CNTN5: variants seen among roughly 807,000 people sequenced by gnomAD.
CNTN5 encodes the protein contactin-5.
A neutral mutation model predicts 129.1 loss-of-function variants in CNTN5; 77 were observed. That is an observed-to-expected ratio of 0.60 (90% CI 0.50 to 0.72). The LOEUF is 0.72. CNTN5 is among the 30% of genes least tolerant of loss of function. CNTN5 has a pLI of 0.00. For synonymous variants in CNTN5, 509 were observed against 465.6 expected, an observed-to-expected ratio of 1.09 and a Z score of -1.20; for missense variants, 1,478 against 1,328.8, an observed-to-expected ratio of 1.11 and a Z score of -1.75.
chr11:99,022,345 A>C (rs1862911304), intron 1 of CNTN5, among the ~76,000 whole-genome samples: 1 of 152,160 alleles, frequency 6.6e-6, no homozygotes, highest in Non-Finnish European at 1.5e-5. Flanking sequence ...GAATTACAGA[A>C]GTACTTATGA....
chr11:99,612,943 A>G (rs1315839547), intron 3 of CNTN5, among the ~76,000 whole-genome samples: 1 of 152,176 alleles, frequency 6.6e-6, no homozygotes, highest in African/African-American at 2.4e-5. Flanking sequence ...CCCAGAAACA[A>G]GAACTGAGGT....
At chr11:99,727,073 G>A (rs906567466) in intron 3 of CNTN5, among the ~76,000 whole-genome samples, 5 of 151,154 alleles carry the variant, frequency 3.3e-5, no homozygotes, top group Admixed American at 6.6e-5. Context: ...TTGGGAGGCC[G>A]AGGCTGGTGG....
rs73561687 is a variant in CNTN5, at chr11:100,241,993, C to G, written c.2006-13767C>G. The stretch of plus-strand genomic sequence containing the variant: ...AGCTTTCATCAAATGTTTGCCTTAT[C>G]GTTTCAATGGCTTCTTTCTTTGGAC... On this transcript the variant is annotated intron_variant, in intron 16 of 24. Transcript: ENST00000524871. Among the ~76,000 whole-genome samples the G allele has an allele frequency of 4.6e-5, 7 of 152,294 alleles. No homozygotes were observed. In the East Asian group the frequency reaches 1.2e-3, roughly 25 times the overall value.
intron 1 of CNTN5, among the ~76,000 whole-genome samples, chr11:99,296,530 T>C: frequency 6.6e-6 from 1 of 152,230 alleles, no homozygotes; most frequent in East Asian, 1.9e-4. Context: ...AAGCATGCAC[T>C]GCAAATGACA....
chr11:99,710,587 G>GCA (rs1215718740), intron 3 of CNTN5, among the ~76,000 whole-genome samples: 5 of 138,348 alleles, frequency 3.6e-5, no homozygotes, highest in African/African-American at 1.3e-4. Context: ...GTGTGTGTGT[G>GCA]TGTGTGTGTG....
At chr11:99,228,547 A>C (rs1860814347) in intron 1 of CNTN5, among the ~76,000 whole-genome samples, 2 of 152,144 alleles carry the variant, frequency 1.3e-5, no homozygotes, top group South Asian at 4.1e-4. Context: ...AAATACCTTG[A>C]ATCGATCATT....
intron 3 of CNTN5, among the ~76,000 whole-genome samples, chr11:99,644,516 T>C (rs1016395263): frequency 6.6e-6 from 1 of 152,206 alleles, no homozygotes; most frequent in Admixed American, 6.5e-5. Context: ...AACGATGTTC[T>C]CACCATTAGA....
At chr11:99,035,901 G>A (rs1863698682) in intron 1 of CNTN5, among the ~76,000 whole-genome samples, 1 of 151,938 alleles carries the variant, frequency 6.6e-6, no homozygotes, top group South Asian at 2.1e-4. Flanking sequence ...TTTTGCAGCG[G>A]CTGGTACCAG....
At chr11:99,990,950 A>G (rs1354584257) in intron 8 of CNTN5, among the ~76,000 whole-genome samples, 1 of 152,198 alleles carries the variant, frequency 6.6e-6, no homozygotes, top group African/African-American at 2.4e-5. Flanking sequence ...GTTGCAACAG[A>G]GCTAGGGCTG....
intron 6 of CNTN5, among the ~76,000 whole-genome samples, chr11:99,885,447 T>C (rs56280726): frequency 0.066 from 10,106 of 152,182 alleles, 363 homozygotes; most frequent in Middle Eastern, 0.085. Context: ...AAAATAGCTG[T>C]CAACTTAGAA....
At chr11:99,388,173 T>C (rs1244351523) in intron 2 of CNTN5, among the ~76,000 whole-genome samples, 3 of 152,018 alleles carry the variant, frequency 2.0e-5, no homozygotes, top group African/African-American at 7.2e-5. Context: ...CCTAGCACTT[T>C]GGGAGGCCGA....
chr11:100,028,661 T>C (rs1941548072), intron 9 of CNTN5, among the ~76,000 whole-genome samples: 1 of 152,196 alleles, frequency 6.6e-6, no homozygotes, highest in African/African-American at 2.4e-5. Flanking sequence ...CTGCTGCCCT[T>C]CAGCTTTTCA....
At chr11:99,054,613 A>G (rs1422683476) in intron 1 of CNTN5, among the ~76,000 whole-genome samples, 1 of 151,872 alleles carries the variant, frequency 6.6e-6, no homozygotes, top group African/African-American at 2.4e-5. Flanking sequence ...AGCTTGGATT[A>G]GTACAAGCTA....
At chr11:99,409,901 A>T (rs78226384) in intron 2 of CNTN5, among the ~76,000 whole-genome samples, 4,572 of 152,314 alleles carry the variant, frequency 0.03, 219 homozygotes, top group African/African-American at 0.1. Context: ...TGTCATTAAG[A>T]CACAAAGTCA....
chr11:99,354,910 T>G (rs1252165082), intron 2 of CNTN5, among the ~76,000 whole-genome samples: 2 of 152,220 alleles, frequency 1.3e-5, no homozygotes, highest in Non-Finnish European at 2.9e-5. Flanking sequence ...TTTCTGGCGC[T>G]CTTTCCATCC....
intron 15 of CNTN5, among the ~76,000 whole-genome samples, chr11:100,205,073 G>A (rs957772027): frequency 1.3e-5 from 2 of 151,944 alleles, no homozygotes; most frequent in African/African-American, 4.8e-5. Context: ...TAAGCAAACA[G>A]TTCAGTTTTA....
intron 1 of CNTN5, among the ~76,000 whole-genome samples, chr11:99,025,488 C>CCAGT (rs1221523162): frequency 1.3e-4 from 20 of 151,876 alleles, no homozygotes; most frequent in South Asian, 4.1e-4. Context: ...GAGAACATCT[C>CCAGT]ATCTTCCATT....
intron 1 of CNTN5, among the ~76,000 whole-genome samples, chr11:99,244,011 G>C (rs1861696203): frequency 1.3e-5 from 2 of 151,990 alleles, no homozygotes; most frequent in Non-Finnish European, 1.5e-5. Flanking sequence ...AATGAAATTG[G>C]TAGTTTGATA....
chr11:99,631,694 C>G (rs1456514853), intron 3 of CNTN5, among the ~76,000 whole-genome samples: 1 of 138,322 alleles, frequency 7.2e-6, no homozygotes, highest in Admixed American at 7.9e-5. Flanking sequence ...TATTGTCACA[C>G]TCATTGGGAA....
Sources: allele counts gnomAD v4.1 joint callset (sites outside exome capture counted in the v4.1 genomes callset), GRCh38; gene constraint gnomAD v4.1.1; transcripts MANE v1.5; gene names NCBI Gene and HGNC (gene_info 2026-07-23, HGNC 2026-07-21).